PTPRD: variants seen among roughly 807,000 people sequenced by gnomAD.
PTPRD encodes the protein receptor-type tyrosine-protein phosphatase delta.
A neutral mutation model predicts 214.5 loss-of-function variants in PTPRD; 34 were observed. That is an observed-to-expected ratio of 0.16 (90% CI 0.12 to 0.21). The LOEUF (loss-of-function observed/expected upper bound fraction) is 0.21, where lower values mean the gene tolerates loss of function less well. Ranked by LOEUF, PTPRD falls within the 10% of genes least tolerant of loss-of-function variation. The probability of loss-of-function intolerance (pLI) is 1.00; values close to 1 mark genes in which losing one functional copy is unlikely to be tolerated. For missense variants in PTPRD, 2,545 were observed against 2,398.7 expected (o/e 1.06, Z -1.27); for synonymous variants, 1,128 against 845.7 (o/e 1.33, Z -5.79).
chr9:9,704,323 G>A (rs573768902), intron 7 of PTPRD, among the ~76,000 whole-genome samples: 7 of 151,338 alleles, frequency 4.6e-5, no homozygotes, highest in South Asian at 4.2e-4. Flanking sequence ...AGCCCTTTAC[G>A]TCTGTTTAAT....
intron 9 of PTPRD, among the ~76,000 whole-genome samples, chr9:9,393,484 C>T (rs112187201): frequency 0.013 from 2,009 of 152,232 alleles, 20 homozygotes; most frequent in Non-Finnish European, 0.019. Flanking sequence ...GAACTGAGAC[C>T]TCCAGTTAAT....
At chr9:9,887,665 A>G (rs2071481728) in intron 5 of PTPRD, among the ~76,000 whole-genome samples, 1 of 152,144 alleles carries the variant, frequency 6.6e-6, no homozygotes, top group South Asian at 2.1e-4. Context: ...TAGTAGAAAA[A>G]CAGTTTCTAG....
chr9:9,364,973 C>A (rs148137188), intron 9 of PTPRD, among the ~76,000 whole-genome samples: 58 of 151,540 alleles, frequency 3.8e-4, no homozygotes, highest in African/African-American at 1.3e-3. Context: ...GTTCTAGGTA[C>A]ATTGAGATTG....
chr9:9,127,624 G>T (rs2099836076), intron 10 of PTPRD, among the ~76,000 whole-genome samples: 1 of 152,086 alleles, frequency 6.6e-6, no homozygotes, highest in Non-Finnish European at 1.5e-5. Context: ...AAAGTTAGAT[G>T]TCTATACCAC....
At chr9:9,486,155 A>AAAAAAAAC (rs2095625133) in intron 8 of PTPRD, among the ~76,000 whole-genome samples, 1 of 84,662 alleles carries the variant, frequency 1.2e-5, no homozygotes, top group Non-Finnish European at 2.7e-5. Flanking sequence ...TCTCTCAAAA[A>AAAAAAAAC]AAAAAAAAAA....
At chr9:9,267,083 T>A (rs1940199481) in intron 9 of PTPRD, among the ~76,000 whole-genome samples, 1 of 151,280 alleles carries the variant, frequency 6.6e-6, no homozygotes, top group Admixed American at 6.6e-5. Flanking sequence ...TGAATAAATG[T>A]TTTAAATGCT....
chr9:8,444,508 TATTTTA>T (rs1447655210), intron 34 of PTPRD, among the ~76,000 whole-genome samples: 1 of 151,944 alleles, frequency 6.6e-6, no homozygotes, highest in Admixed American at 6.6e-5. Context: ...TGACACAAAA[TATTTTA>T]ATTTTAATTT....
intron 39 of PTPRD, among the ~76,000 whole-genome samples, chr9:8,371,796 T>TAG (rs1279188289): frequency 6.6e-6 from 1 of 151,954 alleles, no homozygotes; most frequent in East Asian, 1.9e-4. Flanking sequence ...CACCATCAGG[T>TAG]AGAGAAGGGG....
intron 4 of PTPRD, among the ~76,000 whole-genome samples, chr9:9,940,172 A>T (rs541807318): frequency 6.6e-6 from 1 of 152,226 alleles, no homozygotes; most frequent in East Asian, 1.9e-4. Context: ...ACTGACATCT[A>T]AGAGTCAGAT....
chr9:8,484,427 A>C (rs2096954008), intron 29 of PTPRD, 49 bp from the exon 30 acceptor site: 1 of 1,557,594 alleles, frequency 6.4e-7, no homozygotes, highest in African/African-American at 1.4e-5. Flanking sequence ...CAGAGAGGCA[A>C]AATATATTTT....
At chr9:8,381,712 TA>T (rs1399739573) in intron 37 of PTPRD, among the ~76,000 whole-genome samples, 1 of 152,202 alleles carries the variant, frequency 6.6e-6, no homozygotes, top group Non-Finnish European at 1.5e-5. Context: ...TAAAATTGCC[TA>T]CCAGTTCATT....
chr9:9,640,924 T>A (rs1017199632), intron 7 of PTPRD, among the ~76,000 whole-genome samples: 1 of 152,238 alleles, frequency 6.6e-6, no homozygotes, highest in Non-Finnish European at 1.5e-5. Flanking sequence ...AATTGAATGA[T>A]CTGGTCAGAG....
At chr9:8,420,605 G>A (rs550613798) in intron 35 of PTPRD, among the ~76,000 whole-genome samples, 26 of 152,066 alleles carry the variant, frequency 1.7e-4, no homozygotes, top group Non-Finnish European at 3.2e-4. Flanking sequence ...GAGCAAATGA[G>A]TACCAAGAGC....
intron 5 of PTPRD, among the ~76,000 whole-genome samples, chr9:9,901,303 C>G (rs887911694): frequency 1.3e-5 from 2 of 152,150 alleles, no homozygotes; most frequent in African/African-American, 4.8e-5. Flanking sequence ...TTAATGTTTT[C>G]TTTAAAACTA....
chr9:9,387,896 C>T (rs563963556), intron 9 of PTPRD, among the ~76,000 whole-genome samples: 2 of 152,172 alleles, frequency 1.3e-5, no homozygotes, highest in African/African-American at 2.4e-5. Flanking sequence ...CAGCTGAAGC[C>T]CCAGTGGGCA....
chr9:9,315,648 C>G (rs756243235), intron 9 of PTPRD, among the ~76,000 whole-genome samples: 1 of 151,376 alleles, frequency 6.6e-6, no homozygotes, highest in Non-Finnish European at 1.5e-5. Context: ...TATATATTAA[C>G]TTTCATCTCA....
rs142760230 is a variant in PTPRD at position 8,687,096 on chromosome 9, A to G, written c.64+46684T>C. On this transcript the variant is annotated intron_variant, in intron 12 of 45. Transcript: ENST00000381196. ...AAAGAGCCAAGAAAATGCTGGATACATTCTGAATGCAGCAAACACTAGACT... is the reference window on the plus strand; with the variant it reads ...AAAGAGCCAAGAAAATGCTGGATACGTTCTGAATGCAGCAAACACTAGACT... 2.6e-3 allele frequency among the ~76,000 whole-genome samples: 402 copies of G among 152,338 alleles called. 1 individual carries two copies. The highest frequency in any genetic ancestry group is 9.4e-3 in the African/African-American group (391 of 41,574).
intron 9 of PTPRD, among the ~76,000 whole-genome samples, chr9:9,192,047 A>G (rs1383243585): frequency 6.6e-6 from 1 of 152,012 alleles, no homozygotes; most frequent in Non-Finnish European, 1.5e-5. Context: ...TCAAAATATG[A>G]TCAAAGGAGT....
intron 37 of PTPRD, among the ~76,000 whole-genome samples, chr9:8,386,590 C>T (rs567251931): frequency 3.9e-5 from 6 of 152,154 alleles, no homozygotes; most frequent in Non-Finnish European, 7.3e-5. Flanking sequence ...TTCATAGGGC[C>T]AGGCTAGTTC....
Sources: gnomAD v4.1 joint callset for allele counts (sites outside exome capture counted in the v4.1 genomes callset) on GRCh38, gnomAD v4.1.1 for gene constraint, MANE v1.5 for transcripts, NCBI Gene and HGNC (gene_info 2026-07-23, HGNC 2026-07-21) for gene names.